Variants in SKIC3 observed in about 807,000 individuals in gnomAD.
SKIC3 encodes the protein superkiller complex protein 3.
At chr5:95,494,151 A>G in the SKIC3 span, among the ~76,000 whole-genome samples, 4 of 152,326 alleles carry the variant, frequency 2.6e-5, no homozygotes, top group Admixed American at 6.5e-5. Context: ...TCTTGAAAAT[A>G]TGTGTATAGT....
At chr5:95,469,933 T>C in the SKIC3 span, 1 of 1,612,406 alleles carries the variant, frequency 6.2e-7, no homozygotes, top group Admixed American at 1.7e-5. Context: ...AAGACAAATA[T>C]TAACTCAAAG....
At chr5:95,532,900 A>G in the SKIC3 span, among the ~76,000 whole-genome samples, 1 of 152,120 alleles carries the variant, frequency 6.6e-6, no homozygotes. Flanking sequence ...TAAAAAATTA[A>G]TTTCTGACAT....
the SKIC3 span, among the ~76,000 whole-genome samples, chr5:95,493,843 CTTA>C: frequency 3.3e-5 from 5 of 151,288 alleles, no homozygotes; most frequent in African/African-American, 1.2e-4. Context: ...AAAAATATAC[CTTA>C]TAACCCTATA....
the SKIC3 span, chr5:95,522,397 A>G: frequency 6.8e-7 from 1 of 1,475,536 alleles, no homozygotes; most frequent in African/African-American, 1.4e-5. Context: ...TCAAGTAAAC[A>G]TATATATCTG....
chr5:95,487,030 G>A, the SKIC3 span, among the ~76,000 whole-genome samples: 8 of 152,246 alleles, frequency 5.3e-5, no homozygotes, highest in Admixed American at 4.6e-4. Flanking sequence ...TGAGTCAGTG[G>A]GCTGAGGAAG....
chr5:95,518,671 T>C, the SKIC3 span, among the ~76,000 whole-genome samples: 1 of 152,124 alleles, frequency 6.6e-6, no homozygotes, highest in East Asian at 1.9e-4. Flanking sequence ...TAGTATTCCA[T>C]TGCATATAAA....
chr5:95,469,409 T>C, the SKIC3 span, among the ~76,000 whole-genome samples: 1 of 152,352 alleles, frequency 6.6e-6, no homozygotes, highest in Non-Finnish European at 1.5e-5. Context: ...GAACTGATAA[T>C]GTAGCCTTGT....
chr5:95,500,584 C>T, the SKIC3 span, among the ~76,000 whole-genome samples: 1,897 of 152,126 alleles, frequency 0.012, 44 homozygotes, highest in African/African-American at 0.044. Flanking sequence ...TACCATTATC[C>T]AAACGGCATA....
chr5:95,553,477 G>A, the SKIC3 span, among the ~76,000 whole-genome samples: 1 of 152,250 alleles, frequency 6.6e-6, no homozygotes, highest in South Asian at 2.1e-4. Flanking sequence ...CTTCCGTGCT[G>A]TATTATTATT....
At chr5:95,484,685 T>C in the SKIC3 span, 1 of 1,613,582 alleles carries the variant, frequency 6.2e-7, no homozygotes, top group South Asian at 1.1e-5. Context: ...CCCAGTAAGA[T>C]AAGAATCCAT....
chr5:95,520,711 C>T, the SKIC3 span: 30 of 1,601,020 alleles, frequency 1.9e-5, no homozygotes, highest in East Asian at 6.7e-5. Context: ...AAGAATAATA[C>T]GAACCAAGTA....
the SKIC3 span, among the ~76,000 whole-genome samples, chr5:95,493,955 T>G: frequency 6.6e-6 from 1 of 152,162 alleles, no homozygotes; most frequent in Non-Finnish European, 1.5e-5. Flanking sequence ...ACAGCCTATA[T>G]ATGACACAGT....
At chr5:95,521,504 T>C in the SKIC3 span, 1 of 152,104 alleles carries the variant, frequency 6.6e-6, no homozygotes, top group East Asian at 1.9e-4. Context: ...ACCAGTTTCT[T>C]TAAAAAGGAG....
At chr5:95,534,208 A>G in the SKIC3 span, among the ~76,000 whole-genome samples, 1 of 151,308 alleles carries the variant, frequency 6.6e-6, no homozygotes, top group Non-Finnish European at 1.5e-5. Context: ...TCAGCTTCCT[A>G]TCAGGAAAAA....
At chr5:95,536,947 T>C in the SKIC3 span, 1 of 1,604,292 alleles carries the variant, frequency 6.2e-7, no homozygotes, top group East Asian at 2.2e-5. Flanking sequence ...AAAAGCAAAA[T>C]ACACTACATT....
chr5:95,522,106 AG>A, the SKIC3 span: 1 of 1,613,758 alleles, frequency 6.2e-7, no homozygotes, highest in Admixed American at 1.7e-5. Context: ...TCTGGTATTG[AG>A]CTACAGCCTC....
chr5:95,484,157 T>A, the SKIC3 span, among the ~76,000 whole-genome samples: 1 of 152,270 alleles, frequency 6.6e-6, no homozygotes, highest in Non-Finnish European at 1.5e-5. Context: ...GTCTTAGTTT[T>A]TCTTATCTGT....
chr5:95,540,190 A>T, the SKIC3 span, among the ~76,000 whole-genome samples: 1 of 152,234 alleles, frequency 6.6e-6, no homozygotes, highest in Admixed American at 6.5e-5. Context: ...CTCAGGAATG[A>T]TAAACCAAAC....
At chr5:95,543,076 TG>T in the SKIC3 span, 1 of 1,337,764 alleles carries the variant, frequency 7.5e-7, no homozygotes, top group Non-Finnish European at 1.0e-6. Flanking sequence ...TTTTCTTACA[TG>T]GGGCAAATGT....
Sources: gnomAD v4.1 joint callset for allele counts (sites outside exome capture counted in the v4.1 genomes callset) on GRCh38, gnomAD v4.1.1 for gene constraint, MANE v1.5 for transcripts, NCBI Gene and HGNC (gene_info 2026-07-23, HGNC 2026-07-21) for gene names.